The following COL8A1 variants were observed in gnomAD, a reference collection of about 807,000 sequenced individuals.
COL8A1 encodes collagen type VIII alpha 1 chain.
In COL8A1, 21 loss-of-function variants were observed where a neutral mutation model predicts 42.7. That is an observed-to-expected ratio of 0.49 (90% CI 0.35 to 0.71). The LOEUF (loss-of-function observed/expected upper bound fraction) is 0.71, where lower values mean the gene tolerates loss of function less well. COL8A1 is among the 30% of genes least tolerant of loss of function. The pLI is 0.01. For missense variants in COL8A1, 788 were observed against 962.4 expected (o/e 0.82, Z 2.40); for synonymous variants, 367 against 369.1 (o/e 0.99, Z 0.06).
intron 1 of COL8A1, among the ~76,000 whole-genome samples, chr3:99,653,623 A>C (rs1386141655): frequency 6.6e-6 from 1 of 151,516 alleles, no homozygotes; most frequent in African/African-American, 2.4e-5. Flanking sequence ...TGGCATCACC[A>C]GGAAAAATGT....
intron 1 of COL8A1, among the ~76,000 whole-genome samples, chr3:99,697,148 G>A (rs1322816731): frequency 5.3e-5 from 8 of 150,922 alleles, no homozygotes; most frequent in South Asian, 2.1e-4. Context: ...CACTACGCCC[G>A]GCTAATTTTT....
intron 1 of COL8A1, among the ~76,000 whole-genome samples, chr3:99,693,585 C>T (rs1022651247): frequency 2.0e-5 from 3 of 152,072 alleles, no homozygotes; most frequent in African/African-American, 4.8e-5. Context: ...AATAGAAAAA[C>T]GCTTATAGTA....
At chr3:99,753,659 C>G (rs746266367) in intron 2 of COL8A1, among the ~76,000 whole-genome samples, 1 of 151,910 alleles carries the variant, frequency 6.6e-6, no homozygotes, top group Non-Finnish European at 1.5e-5. Flanking sequence ...TTTTTTTTTA[C>G]ACAAAACTAT....
chr3:99,731,990 G>T (rs1332645316), intron 1 of COL8A1, among the ~76,000 whole-genome samples: 1 of 152,148 alleles, frequency 6.6e-6, no homozygotes, highest in Non-Finnish European at 1.5e-5. Context: ...AGCAAGGCTT[G>T]TTAACAAACA....
chr3:99,738,478 G>C (rs185666294), intron 1 of COL8A1, among the ~76,000 whole-genome samples: 50 of 152,270 alleles, frequency 3.3e-4, no homozygotes, highest in Admixed American at 1.2e-3. Flanking sequence ...GTTGGAATAC[G>C]CTGCCGTGTG....
rs902196820 is a variant in COL8A1, at chr3:99,781,219, C to G, written c.-3-9461C>G. On this transcript the variant is annotated intron_variant, in intron 2 of 3. Transcript: ENST00000652472. ...AAGAAATTGTCAAGATGTTTTAGTT[C>G]TTTTATAATTCAGAAATTGTCAGGA... Among the ~76,000 whole-genome samples the G allele has an allele frequency of 7.9e-5, 12 of 152,110 alleles. No individual in the cohort carries two copies. The East Asian group carries it at 2.1e-3, about 27-fold the overall frequency.
intron 1 of COL8A1, among the ~76,000 whole-genome samples, chr3:99,729,376 T>C (rs1305016949): frequency 6.6e-6 from 1 of 152,082 alleles, no homozygotes; most frequent in Non-Finnish European, 1.5e-5. Context: ...CTTTTCAGTG[T>C]TTTCCTTTAC....
At chr3:99,664,879 G>A (rs1253860781) in intron 1 of COL8A1, among the ~76,000 whole-genome samples, 1 of 152,208 alleles carries the variant, frequency 6.6e-6, no homozygotes, top group Non-Finnish European at 1.5e-5. Context: ...GGAGAATGCT[G>A]GAGGGAATGA....
intron 1 of COL8A1, among the ~76,000 whole-genome samples, chr3:99,693,062 T>C (rs917972447): frequency 1.3e-5 from 2 of 152,118 alleles, no homozygotes; most frequent in Admixed American, 6.5e-5. Flanking sequence ...GAGAGGCGCG[T>C]GTTTGTAATC....
chr3:99,652,340 A>G (rs1294932410), intron 1 of COL8A1, among the ~76,000 whole-genome samples: 1 of 152,210 alleles, frequency 6.6e-6, no homozygotes, highest in Non-Finnish European at 1.5e-5. Context: ...CTTTGTGGAG[A>G]AACAGTTTGC....
chr3:99,767,751 C>T (rs1336817523), intron 2 of COL8A1, among the ~76,000 whole-genome samples: 2 of 152,142 alleles, frequency 1.3e-5, no homozygotes, highest in Non-Finnish European at 2.9e-5. Flanking sequence ...TGAGTCTTAA[C>T]ATGCAGCAAG....
intron 1 of COL8A1, among the ~76,000 whole-genome samples, chr3:99,728,677 G>A (rs932107270): frequency 6.6e-6 from 1 of 151,824 alleles, no homozygotes; most frequent in Non-Finnish European, 1.5e-5. Flanking sequence ...CTTACCTATA[G>A]TATTTAATTA....
intron 1 of COL8A1, among the ~76,000 whole-genome samples, chr3:99,687,441 T>G (rs188492070): frequency 9.5e-4 from 145 of 152,316 alleles, no homozygotes; most frequent in African/African-American, 3.4e-3. Flanking sequence ...TGTGTGTGTG[T>G]AAAACTTTCA....
At chr3:99,679,939 A>G (rs1282045306) in intron 1 of COL8A1, 1 of 152,164 alleles carries the variant, frequency 6.6e-6, no homozygotes, top group African/African-American at 2.4e-5. Context: ...TGTTACTTCA[A>G]CCATCTAGGT....
intron 2 of COL8A1, among the ~76,000 whole-genome samples, chr3:99,784,336 C>G (rs1941851624): frequency 6.6e-6 from 1 of 151,972 alleles, no homozygotes; most frequent in South Asian, 2.1e-4. Context: ...ACTGTAATGT[C>G]AAAAAAGACC....
chr3:99,681,771 C>T (rs1186468970), intron 1 of COL8A1, among the ~76,000 whole-genome samples: 1 of 152,156 alleles, frequency 6.6e-6, no homozygotes, highest in Non-Finnish European at 1.5e-5. Context: ...AATATTAGCT[C>T]ATGTGTATGA....
intron 2 of COL8A1, among the ~76,000 whole-genome samples, chr3:99,777,010 G>A (rs976104810): frequency 5.3e-5 from 8 of 152,170 alleles, no homozygotes; most frequent in South Asian, 4.1e-4. Context: ...TGGTTTTGGT[G>A]GATTTTGGCC....
At chr3:99,761,713 G>A (rs1161582666) in intron 2 of COL8A1, among the ~76,000 whole-genome samples, 1 of 151,986 alleles carries the variant, frequency 6.6e-6, no homozygotes, top group Non-Finnish European at 1.5e-5. Flanking sequence ...AATACTCTCT[G>A]ACTTTAGATA....
chr3:99,753,543 G>C (rs1456130341), intron 2 of COL8A1, among the ~76,000 whole-genome samples: 1 of 152,156 alleles, frequency 6.6e-6, no homozygotes, highest in African/African-American at 2.4e-5. Flanking sequence ...AGTTAGTACC[G>C]CTGCAGCTGA....
Sources: allele counts gnomAD v4.1 joint callset (sites outside exome capture counted in the v4.1 genomes callset), GRCh38; gene constraint gnomAD v4.1.1; transcripts MANE v1.5; gene names NCBI Gene and HGNC (gene_info 2026-07-23, HGNC 2026-07-21).